ATR: variants seen among roughly 807,000 people sequenced by gnomAD.
The protein encoded by ATR is serine/threonine-protein kinase ATR.
In ATR, 142 loss-of-function variants were observed where a neutral mutation model predicts 305.3. The ratio of observed to expected loss-of-function variants is 0.47; its 90% CI spans 0.41 to 0.53. The LOEUF is 0.53. Ranked by LOEUF, ATR falls within the 20% of genes least tolerant of loss-of-function variation. The pLI is 0.00. For synonymous variants in ATR, 1,050 were observed against 1,068.1 expected, an observed-to-expected ratio of 0.98 and a Z score of 0.33; for missense variants, 2,135 against 3,133.1, an observed-to-expected ratio of 0.68 and a Z score of 7.60.
At chr3:142,491,426 C>G (rs1054480073) in intron 35 of ATR, among the ~76,000 whole-genome samples, 1 of 152,288 alleles carries the variant, frequency 6.6e-6, no homozygotes, top group Admixed American at 6.5e-5. Flanking sequence ...CAACATCTCT[C>G]TTCCCTAACC....
At chr3:142,491,059 T>C (rs2031247723) in intron 35 of ATR, among the ~76,000 whole-genome samples, 1 of 152,074 alleles carries the variant, frequency 6.6e-6, no homozygotes, top group Non-Finnish European at 1.5e-5. Flanking sequence ...ATTTACAGAG[T>C]TGTGTAACCA....
intron 1 of ATR, among the ~76,000 whole-genome samples, chr3:142,577,529 G>A (rs2035479578): frequency 6.6e-6 from 1 of 152,188 alleles, no homozygotes; most frequent in African/African-American, 2.4e-5. Flanking sequence ...CTCAAAAATA[G>A]TGATGCAGTT....
intron 22 of ATR, 47 bp from the exon 23 acceptor site, chr3:142,522,888 A>G: frequency 7.0e-7 from 1 of 1,419,510 alleles, no homozygotes; most frequent in South Asian, 1.2e-5. Context: ...ACTGCTATAA[A>G]TTTTCTTAGG....
chr3:142,576,374 G>C (rs1268681788), intron 1 of ATR, among the ~76,000 whole-genome samples: 1 of 152,122 alleles, frequency 6.6e-6, no homozygotes, highest in Non-Finnish European at 1.5e-5. Context: ...ATATAAATTT[G>C]GGAGTTATCA....
chr3:142,517,448 G>A (rs2032917552), intron 24 of ATR, among the ~76,000 whole-genome samples: 2 of 151,944 alleles, frequency 1.3e-5, no homozygotes, highest in African/African-American at 4.8e-5. Flanking sequence ...GTCCTCTGGA[G>A]TAAATATCAA....
chr3:142,490,435 C>G (rs1397149085), intron 35 of ATR, among the ~76,000 whole-genome samples: 1 of 152,172 alleles, frequency 6.6e-6, no homozygotes, highest in Non-Finnish European at 1.5e-5. Context: ...ATATGTATTA[C>G]AAGTATTTTC....
chr3:142,566,748 T>A (rs2035088263), intron 2 of ATR, among the ~76,000 whole-genome samples: 1 of 151,364 alleles, frequency 6.6e-6, no homozygotes, highest in African/African-American at 2.4e-5. Context: ...AACACTACAG[T>A]CTTTTTTTTT....
chr3:142,486,517 T>C, intron 35 of ATR, among the ~76,000 whole-genome samples: 1 of 152,148 alleles, frequency 6.6e-6, no homozygotes, highest in East Asian at 1.9e-4. Context: ...ATTTTAAATA[T>C]TTATTTTGAA....
chr3:142,463,813 A>C (rs1306449977), intron 41 of ATR, among the ~76,000 whole-genome samples: 4 of 152,226 alleles, frequency 2.6e-5, no homozygotes, highest in East Asian at 1.9e-4. Context: ...TTTAAAAAAC[A>C]AACTCATCTA....
intron 40 of ATR, 81 bp from the exon 41 acceptor site, chr3:142,465,321 T>TAAAAAAA: frequency 1.2e-6 from 1 of 840,746 alleles, no homozygotes; most frequent in Non-Finnish European, 1.7e-6. Flanking sequence ...TTGAGTTATG[T>TAAAAAAA]AAAAAAAAAA....
intron 3 of ATR, among the ~76,000 whole-genome samples, chr3:142,564,673 A>T (rs1178516552): frequency 1.3e-5 from 2 of 152,228 alleles, no homozygotes; most frequent in African/African-American, 4.8e-5. Context: ...GTACATATAC[A>T]TGCATTTTAT....
At chr3:142,476,533 C>G (rs1226126367) in intron 36 of ATR, among the ~76,000 whole-genome samples, 1 of 152,112 alleles carries the variant, frequency 6.6e-6, no homozygotes, top group Non-Finnish European at 1.5e-5. Context: ...AGCGTGATGC[C>G]TCCAGCTTTG....
At chr3:142,529,155 C>T (rs2033537213) in intron 21 of ATR, among the ~76,000 whole-genome samples, 2 of 151,624 alleles carry the variant, frequency 1.3e-5, no homozygotes, top group African/African-American at 2.4e-5. Context: ...GCTGGGATTA[C>T]AGGCGTGAGC....
chr3:142,574,458 CAAAAAAAAA>C (rs59441794), intron 1 of ATR, among the ~76,000 whole-genome samples: 12 of 114,646 alleles, frequency 1.0e-4, no homozygotes, highest in Admixed American at 6.5e-4. Flanking sequence ...GAGCCAGTCT[CAAAAAAAAA>C]AAAAAAAAAA....
chr3:142,498,328 T>C (rs768050976), intron 32 of ATR, among the ~76,000 whole-genome samples: 2 of 152,250 alleles, frequency 1.3e-5, no homozygotes, highest in Non-Finnish European at 2.9e-5. Context: ...TATTTGGTTA[T>C]ATAGAAAGCA....
At chr3:142,525,627 C>T (rs751760091) in intron 21 of ATR, among the ~76,000 whole-genome samples, 5 of 152,178 alleles carry the variant, frequency 3.3e-5, no homozygotes, top group Non-Finnish European at 7.4e-5. Flanking sequence ...GTTTGGGTCA[C>T]ATGGGTGGAT....
chr3:142,488,862 G>T (rs2031111473), intron 35 of ATR, among the ~76,000 whole-genome samples: 2 of 152,122 alleles, frequency 1.3e-5, no homozygotes, highest in Admixed American at 6.5e-5. Flanking sequence ...AGTTTGTAGA[G>T]AAATAATTAT....
chr3:142,470,916 A>C (rs1009777360), intron 36 of ATR, among the ~76,000 whole-genome samples: 1 of 152,188 alleles, frequency 6.6e-6, no homozygotes, highest in Admixed American at 6.5e-5. Context: ...TTCAAAAGAA[A>C]TTTTATTGTG....
chr3:142,511,756 G>T lies in ATR; in HGVS notation c.4852+504C>A, dbSNP rs186473386. On this transcript the variant is annotated intron_variant, in intron 27 of 46. Transcript: ENST00000350721. Reference sequence around the variant, plus strand: ...GAAGTGAGAGTAAGAAGAGAGAAAGGTCTTATTACTATAAATTCACTGTTT... The same window carrying T: ...GAAGTGAGAGTAAGAAGAGAGAAAGTTCTTATTACTATAAATTCACTGTTT... Among the ~76,000 whole-genome samples the T allele has an allele frequency of 8.4e-4, 128 of 152,090 alleles. 1 individual carries two copies. In the Middle Eastern group the frequency reaches 0.031, roughly 37 times the overall value.
Sources: gnomAD v4.1 joint callset for allele counts (sites outside exome capture counted in the v4.1 genomes callset) on GRCh38, gnomAD v4.1.1 for gene constraint, MANE v1.5 for transcripts, NCBI Gene and HGNC (gene_info 2026-07-23, HGNC 2026-07-21) for gene names.